The following NRG1 variants were observed in gnomAD, a reference collection of about 807,000 sequenced individuals.
NRG1 encodes pro-neuregulin-1, membrane-bound isoform.
NRG1 carries 18 observed loss-of-function variants against 63.8 expected under a neutral mutation model. The observed-to-expected ratio is 0.28, with a 90% CI of 0.19 to 0.42. NRG1 has a LOEUF of 0.42. Ranked by LOEUF, NRG1 falls within the 10% of genes least tolerant of loss-of-function variation. NRG1 has a pLI of 1.00. For synonymous variants in NRG1, 302 were observed against 301.3 expected, an observed-to-expected ratio of 1.00 and a Z score of -0.02; for missense variants, 762 against 814.7, an observed-to-expected ratio of 0.94 and a Z score of 0.79.
intron 5 of NRG1, among the ~76,000 whole-genome samples, chr8:32,658,345 A>G (rs1802021530): frequency 6.6e-6 from 1 of 152,238 alleles, no homozygotes; most frequent in Non-Finnish European, 1.5e-5. Flanking sequence ...ACTAGTGACT[A>G]CTGTCATTTT....
chr8:32,302,489 G>A (rs889676396), intron 1 of NRG1, among the ~76,000 whole-genome samples: 2 of 152,120 alleles, frequency 1.3e-5, no homozygotes, highest in African/African-American at 2.4e-5. Flanking sequence ...TAGTCTGAAT[G>A]CTATTGCCAC....
At chr8:32,764,180 C>T (rs1831209419) in exon 12 of NRG1, 1 of 1,614,010 alleles carries the variant, frequency 6.2e-7, no homozygotes, top group African/African-American at 1.3e-5. Flanking sequence ...GCAACACAAG[C>T]TCCCAGAGCA....
chr8:31,975,817 C>A (rs1328347505), intron 1 of NRG1, among the ~76,000 whole-genome samples: 1 of 152,112 alleles, frequency 6.6e-6, no homozygotes, highest in African/African-American at 2.4e-5. Flanking sequence ...TAAATTGACA[C>A]TTTACATGGA....
intron 1 of NRG1, among the ~76,000 whole-genome samples, chr8:32,268,633 CAG>C (rs139252084): frequency 0.084 from 12,843 of 152,164 alleles, 592 homozygotes; most frequent in African/African-American, 0.11. Flanking sequence ...AATCATGACA[CAG>C]GGGGTTGTTT....
chr8:31,804,933 A>G (rs1013972804), intron 1 of NRG1, among the ~76,000 whole-genome samples: 1 of 152,242 alleles, frequency 6.6e-6, no homozygotes, highest in African/African-American at 2.4e-5. Flanking sequence ...GAGAAAGGAA[A>G]TGCTTCTCCA....
chr8:32,070,740 G>A (rs765179449), intron 1 of NRG1, among the ~76,000 whole-genome samples: 1 of 152,206 alleles, frequency 6.6e-6, no homozygotes, highest in Non-Finnish European at 1.5e-5. Flanking sequence ...CACATTCTCT[G>A]CAAAGGCAGC....
intron 5 of NRG1, among the ~76,000 whole-genome samples, chr8:32,695,402 G>A (rs1337956341): frequency 1.3e-5 from 2 of 150,732 alleles, no homozygotes; most frequent in Non-Finnish European, 3.0e-5. Context: ...GAAGGAAGGA[G>A]AAAAGAAAAG....
chr8:32,183,536 A>G (rs968199343), intron 1 of NRG1, among the ~76,000 whole-genome samples: 1 of 152,182 alleles, frequency 6.6e-6, no homozygotes, highest in African/African-American at 2.4e-5. Context: ...CAACAAGTGA[A>G]CGTTCAGCAT....
upstream of NRG1, among the ~76,000 whole-genome samples, chr8:32,544,063 G>A (rs989185511): frequency 6.6e-6 from 1 of 152,078 alleles, no homozygotes; most frequent in Non-Finnish European, 1.5e-5. Flanking sequence ...CCTTTTGATT[G>A]CTTGTTAATG....
intron 1 of NRG1, among the ~76,000 whole-genome samples, chr8:31,861,626 G>A (rs543807970): frequency 1.3e-5 from 2 of 152,274 alleles, no homozygotes; most frequent in South Asian, 4.1e-4. Flanking sequence ...ATCTGAAGAT[G>A]TGATGAAAGA....
intron 7 of NRG1, among the ~76,000 whole-genome samples, chr8:32,746,866 G>GTTTTT (rs1827528832): frequency 8.3e-6 from 1 of 119,802 alleles, no homozygotes; most frequent in African/African-American, 3.7e-5. Context: ...CGTGTATTCT[G>GTTTTT]CTTTTTTTTT....
chr8:32,050,604 T>C (rs778807049), intron 1 of NRG1, among the ~76,000 whole-genome samples: 6 of 152,092 alleles, frequency 3.9e-5, no homozygotes, highest in Non-Finnish European at 8.8e-5. Flanking sequence ...TACCCAACCA[T>C]ACATAGTGTT....
chr8:32,273,368 A>C (rs952592639), intron 1 of NRG1, among the ~76,000 whole-genome samples: 14 of 152,224 alleles, frequency 9.2e-5, no homozygotes, highest in African/African-American at 3.4e-4. Context: ...CAAAAAGGAA[A>C]AAAATGTCAG....
chr8:32,613,039 A>T (rs939400865), intron 3 of NRG1, among the ~76,000 whole-genome samples: 1 of 152,052 alleles, frequency 6.6e-6, no homozygotes, highest in African/African-American at 2.4e-5. Flanking sequence ...TCAGAAACAG[A>T]TATCTTCATA....
At chr8:32,193,715 T>C (rs1341579165) in intron 1 of NRG1, among the ~76,000 whole-genome samples, 3 of 152,014 alleles carry the variant, frequency 2.0e-5, no homozygotes, top group African/African-American at 7.2e-5. Flanking sequence ...AGAACCTTAT[T>C]TGGAGGTAGT....
chr8:31,989,198 A>C (rs1037770588), intron 1 of NRG1, among the ~76,000 whole-genome samples: 4 of 130,318 alleles, frequency 3.1e-5, no homozygotes, highest in Non-Finnish European at 6.2e-5. Flanking sequence ...AGTGAAGCCG[A>C]GATTACTGTT....
Position 32,468,909 on chromosome 8 carries a change from G to A in NRG1, c.38-126919G>A, listed in dbSNP as rs150630335. On this transcript the variant is annotated intron_variant, in intron 1 of 10. Coordinates refer to the NRG1 transcript ENST00000519301. ...ACAAGGGATTGAAGCCATTGAGAAA[G>A]TCATTTATTCATTCGATAGATATCT... is the stretch of plus-strand genomic sequence containing the variant. Among the ~76,000 whole-genome samples the A allele has an allele frequency of 6.8e-3, 1,032 of 152,232 alleles. 12 individuals are homozygous for A. Among genetic ancestry groups the A allele is most frequent in the African/African-American group, 0.023 (958 of 41,544 alleles).
intron 1 of NRG1, among the ~76,000 whole-genome samples, chr8:32,270,849 C>T (rs1316842127): frequency 6.6e-6 from 1 of 152,036 alleles, no homozygotes; most frequent in Non-Finnish European, 1.5e-5. Flanking sequence ...TCTTTTCTCC[C>T]TTCTTGGAAA....
chr8:31,847,648 A>C (rs1325317328), intron 1 of NRG1, among the ~76,000 whole-genome samples: 1 of 152,238 alleles, frequency 6.6e-6, no homozygotes, highest in South Asian at 2.1e-4. Context: ...CATCTTATAC[A>C]TTCACAAAAG....
Sources: allele counts gnomAD v4.1 joint callset (sites outside exome capture counted in the v4.1 genomes callset), GRCh38; gene constraint gnomAD v4.1.1; transcripts MANE v1.5; gene names NCBI Gene and HGNC (gene_info 2026-07-23, HGNC 2026-07-21).